The following TSPAN33 variants were observed in gnomAD, a reference collection of about 807,000 sequenced individuals.
TSPAN33 encodes tetraspanin-33.
TSPAN33 carries 27 observed loss-of-function variants against 34.8 expected under a neutral mutation model. The observed-to-expected ratio is 0.78, with a 90% CI of 0.57 to 1.07. The LOEUF is 1.07. Ranked by LOEUF, TSPAN33 falls within the 50% of genes least tolerant of loss-of-function variation. The pLI is 0.00. For missense variants in TSPAN33, 272 were observed against 324.9 expected, an observed-to-expected ratio of 0.84 and a Z score of 1.25; for synonymous variants, 119 against 124.2, an observed-to-expected ratio of 0.96 and a Z score of 0.28.
intron 5 of TSPAN33, 71 bp from the exon 6 acceptor site, chr7:129,166,707 T>C (rs990915318): frequency 6.4e-7 from 1 of 1,568,330 alleles, no homozygotes; most frequent in Non-Finnish European, 8.7e-7. Flanking sequence ...TTTTGGTGGC[T>C]CTGAGAATTC....
At chr7:129,147,297 T>G (rs1810534609) in intron 1 of TSPAN33, among the ~76,000 whole-genome samples, 1 of 152,204 alleles carries the variant, frequency 6.6e-6, no homozygotes. Flanking sequence ...AGAAACAATT[T>G]CTGCCTCAGT....
chr7:129,158,739 G>A (rs1329228387), intron 1 of TSPAN33, among the ~76,000 whole-genome samples: 1 of 152,090 alleles, frequency 6.6e-6, no homozygotes, highest in Non-Finnish European at 1.5e-5. Flanking sequence ...TGGTATATAT[G>A]TACCACATTT....
chr7:129,144,891 G>A lies in TSPAN33; in HGVS notation c.-90G>A. 1 of 205,308 alleles carries A rather than the reference G, an allele frequency of 4.9e-6. No individual in the cohort carries two copies. Among genetic ancestry groups the A allele is most frequent in the Non-Finnish European group, 9.5e-6 (1 of 105,340 alleles). 12.7% of individuals were successfully genotyped at this position (205,308 alleles called of 1,614,324 possible). A position where few individuals can be genotyped will look rare whatever the true frequency, so the allele number is the denominator to read the frequency against. On this transcript the variant is annotated 5_prime_UTR_variant, in exon 1 of 8. Transcript: ENST00000486685. ...GCCGGCCGGGCTCCTGCGCGGCGCG[G>A]CTCGGCTCATGCCCCCGGGCGCGGG...
chr7:129,167,309 TTGGGAAGGG>T lies in TSPAN33; in HGVS notation c.589-82_589-74del. The T allele has an allele frequency of 3.5e-6, 5 of 1,442,480 alleles. No individual in the cohort carries two copies. The highest frequency in any genetic ancestry group is 4.7e-6 in the Non-Finnish European group (5 of 1,058,240). 89.4% of individuals were successfully genotyped at this position (1,442,480 alleles called of 1,614,324 possible). A position where few individuals can be genotyped will look rare whatever the true frequency, so the allele number is the denominator to read the frequency against. On this transcript the variant is annotated intron_variant, in intron 6 of 7. Coordinates refer to ENST00000486685, the MANE Select transcript of TSPAN33 (RefSeq NM_178562.5). The surrounding 1 kb of genome is among the most constrained non-coding windows in gnomAD (Gnocchi z 4.6). ...ATATATTCTCTGACAATTTAGGAGTTTGGGAAGGGTGGGAAGCCCATCAGCTAAGGCCCC... is the reference window on the plus strand; with the variant it reads ...ATATATTCTCTGACAATTTAGGAGTTTGGGAAGCCCATCAGCTAAGGCCCC...
intron 1 of TSPAN33, among the ~76,000 whole-genome samples, chr7:129,155,742 G>A (rs1810657343): frequency 6.7e-6 from 1 of 150,084 alleles, no homozygotes; most frequent in African/African-American, 2.5e-5. Flanking sequence ...TTTTTTTTGA[G>A]ACAGGGTCTT....
chr7:129,154,970 C>T (rs1810647950), intron 1 of TSPAN33, among the ~76,000 whole-genome samples: 1 of 152,156 alleles, frequency 6.6e-6, no homozygotes, highest in Non-Finnish European at 1.5e-5. Flanking sequence ...CATGTTACTG[C>T]AGCACTATTC....
intron 1 of TSPAN33, among the ~76,000 whole-genome samples, chr7:129,154,435 A>T (rs1350779569): frequency 6.6e-6 from 1 of 151,976 alleles, no homozygotes; most frequent in Non-Finnish European, 1.5e-5. Context: ...CTAGTTTATG[A>T]AAATCTGATG....
At position 129,144,822 on chromosome 7, in the gene TSPAN33, G is replaced by T. The variant is rs1810493258; in HGVS notation, c.-159G>T. On this transcript the variant is annotated 5_prime_UTR_variant, in exon 1 of 8. Coordinates refer to ENST00000486685, the MANE Select transcript of TSPAN33 (RefSeq NM_178562.5). Reference sequence around the variant, plus strand: ...CGGTTCCCCGGCCCGCGCCGCTCCCGGCCCCCCGGCTCGGGCGCCTCCCGC... The same window carrying T: ...CGGTTCCCCGGCCCGCGCCGCTCCCTGCCCCCCGGCTCGGGCGCCTCCCGC... 6.8e-6 allele frequency: 1 copy of T among 147,342 alleles called. No individual in the cohort carries two copies. The highest frequency in any genetic ancestry group is 1.5e-5 in the Non-Finnish European group (1 of 66,358). The allele number at this position is 147,342 out of a possible 1,614,324, so 9.1% of individuals were successfully genotyped here.
chr7:129,144,919 A>C lies in TSPAN33; in HGVS notation c.-62A>C. 1 of 387,688 alleles carries C rather than the reference A, an allele frequency of 2.6e-6. No homozygotes were observed. Among genetic ancestry groups the C allele is most frequent in the South Asian group, 3.8e-5 (1 of 26,622 alleles). 24.0% of individuals were successfully genotyped at this position (387,688 alleles called of 1,614,324 possible). Reference sequence around the variant, plus strand: ...CGGCTCATGCCCCCGGGCGCGGGGCACACAGGCCGGCCGGCAGCCGCTGGG... The same window carrying C: ...CGGCTCATGCCCCCGGGCGCGGGGCCCACAGGCCGGCCGGCAGCCGCTGGG... On this transcript the variant is annotated 5_prime_UTR_variant, in exon 1 of 8. Coordinates refer to ENST00000486685, the MANE Select transcript of TSPAN33 (RefSeq NM_178562.5).
At chr7:129,150,852 G>A (rs1370279624) in intron 1 of TSPAN33, among the ~76,000 whole-genome samples, 1 of 152,118 alleles carries the variant, frequency 6.6e-6, no homozygotes, top group Non-Finnish European at 1.5e-5. Flanking sequence ...GGACTGGCTA[G>A]GGAAGGGCCA....
intron 1 of TSPAN33, among the ~76,000 whole-genome samples, chr7:129,155,497 C>T (rs1386260845): frequency 6.6e-6 from 1 of 151,930 alleles, no homozygotes; most frequent in Non-Finnish European, 1.5e-5. Context: ...CATATGTATC[C>T]CATAAATACA....
rs1793170265 is a variant in TSPAN33, at chr7:129,167,974, C to T, written c.*100C>T. ...CACCAAATGGAGATTTGGATTCCAG[C>T]CCCCCAGTGACAGCCCAGTGGGAAG... On this transcript the variant is annotated 3_prime_UTR_variant, in exon 8 of 8. Coordinates refer to ENST00000486685, the MANE Select transcript of TSPAN33 (RefSeq NM_178562.5). The surrounding 1 kb of genome is among the most constrained non-coding windows in gnomAD (Gnocchi z 4.6). 4 of 1,505,946 alleles carry T rather than the reference C, an allele frequency of 2.7e-6. No homozygotes were observed. Among genetic ancestry groups the T allele is most frequent in the Admixed American group, 2.1e-5 (1 of 47,926 alleles). The allele number at this position is 1,505,946 out of a possible 1,614,324, so 93.3% of individuals were successfully genotyped here.
intron 1 of TSPAN33, among the ~76,000 whole-genome samples, chr7:129,160,064 G>A (rs569386199): frequency 1.3e-5 from 2 of 152,250 alleles, no homozygotes; most frequent in East Asian, 3.9e-4. Flanking sequence ...AAAAAGAGGG[G>A]GCTGTATATA....
intron 2 of TSPAN33, 92 bp downstream of exon 2, chr7:129,161,828 GGGCTAAAGGA>G: frequency 6.5e-7 from 1 of 1,533,640 alleles, no homozygotes; most frequent in Non-Finnish European, 9.0e-7. Context: ...ATAAGCTATG[GGGCTAAAGGA>G]GGCAGCCTCC....
chr7:129,145,983 C>T (rs941170473), intron 1 of TSPAN33, among the ~76,000 whole-genome samples: 8 of 151,970 alleles, frequency 5.3e-5, no homozygotes, highest in Admixed American at 2.0e-4. Context: ...ACCCTGTTTC[C>T]TGGCTAGAGA....
rs973671249 is a variant in TSPAN33 at position 129,154,165 on chromosome 7, A to G, written c.103-7514A>G. 2.6e-5 allele frequency among the ~76,000 whole-genome samples: 4 copies of G among 151,294 alleles called. No homozygotes were observed. In the East Asian group the frequency reaches 7.9e-4, roughly 30 times the overall value. On this transcript the variant is annotated intron_variant, in intron 1 of 7. Transcript: ENST00000486685. ...TGGGCAACCTAGCAAGATCACATCT[A>G]TACCAAAAATTTAAAAATCAGGTGA... is the stretch of plus-strand genomic sequence containing the variant.
intron 3 of TSPAN33, 59 bp from the exon 4 acceptor site, chr7:129,162,774 C>A: frequency 6.3e-7 from 1 of 1,578,554 alleles, no homozygotes. Flanking sequence ...CCCCTTGGCC[C>A]TGGAAGGGGT....
Position 129,164,454 on chromosome 7 carries a change from C to A in TSPAN33, c.364-20C>A. Reference sequence around the variant, plus strand: ...AGGGATTAGTCCTGTGTTCTGATTCCTTGCCCATGTCTCCGGCAGGCTCGA... The same window carrying A: ...AGGGATTAGTCCTGTGTTCTGATTCATTGCCCATGTCTCCGGCAGGCTCGA... On this transcript the variant is annotated intron_variant, in intron 4 of 7. Coordinates refer to ENST00000486685, the MANE Select transcript of TSPAN33 (RefSeq NM_178562.5). 6.2e-7 allele frequency: 1 copy of A among 1,611,370 alleles called. No individual in the cohort carries two copies. Among genetic ancestry groups the A allele is most frequent in the Non-Finnish European group, 8.5e-7 (1 of 1,177,812 alleles).
chr7:129,163,716 A>G (rs1230672344), intron 4 of TSPAN33, among the ~76,000 whole-genome samples: 2 of 152,176 alleles, frequency 1.3e-5, no homozygotes, highest in African/African-American at 2.4e-5. Flanking sequence ...CTGTAATCCC[A>G]GCATTTTGGG....
Sources: gnomAD v4.1 joint callset for allele counts (sites outside exome capture counted in the v4.1 genomes callset) on GRCh38, gnomAD v4.1.1 for gene constraint, Gnocchi (gnomAD v3.1) non-coding constraint, MANE v1.5 for transcripts, NCBI Gene and HGNC (gene_info 2026-07-23, HGNC 2026-07-21) for gene names.